Variants in WWOX observed in about 807,000 individuals in gnomAD.
WWOX encodes the protein WW domain-containing oxidoreductase.
A neutral mutation model predicts 46.2 loss-of-function variants in WWOX; 69 were observed. The ratio of observed to expected loss-of-function variants is 1.49; its 90% CI spans 1.23 to 1.82. WWOX has a LOEUF of 1.82. WWOX is among the 40% of genes most tolerant of loss of function. The probability of loss-of-function intolerance (pLI) is 0.00; values close to 1 mark genes in which losing one functional copy is unlikely to be tolerated. For missense variants in WWOX, 919 were observed against 542.6 expected, an observed-to-expected ratio of 1.69 and a Z score of -6.89; for synonymous variants, 359 against 202.6, an observed-to-expected ratio of 1.77 and a Z score of -6.56.
intron 8 of WWOX, among the ~76,000 whole-genome samples, chr16:78,700,856 C>G (rs1352111674): frequency 1.3e-5 from 2 of 152,104 alleles, no homozygotes; most frequent in Admixed American, 6.5e-5. Flanking sequence ...AGCACAACAC[C>G]CAGAGGATTG....
At chr16:78,806,739 A>G (rs936307887) in intron 8 of WWOX, among the ~76,000 whole-genome samples, 6 of 152,068 alleles carry the variant, frequency 3.9e-5, no homozygotes, top group African/African-American at 1.4e-4. Flanking sequence ...TCTATTTTTT[A>G]GGCTGTCAGA....
intron 4 of WWOX, among the ~76,000 whole-genome samples, chr16:78,140,081 G>A (rs1056590427): frequency 6.6e-6 from 1 of 152,172 alleles, no homozygotes; most frequent in Non-Finnish European, 1.5e-5. Context: ...ATGGAAATGG[G>A]GGGATCCATA....
At chr16:78,878,771 C>G (rs975692870) in intron 8 of WWOX, among the ~76,000 whole-genome samples, 2 of 151,856 alleles carry the variant, frequency 1.3e-5, no homozygotes, top group Non-Finnish European at 2.9e-5. Flanking sequence ...TGAAATTTAC[C>G]AGGCCAGGCT....
intron 8 of WWOX, among the ~76,000 whole-genome samples, chr16:78,443,456 A>G (rs2083490364): frequency 1.3e-5 from 2 of 152,178 alleles, no homozygotes; most frequent in South Asian, 4.1e-4. Context: ...AACACACCTT[A>G]GCTTGGAGGA....
intron 5 of WWOX, among the ~76,000 whole-genome samples, chr16:78,232,681 G>C (rs1280338947): frequency 1.3e-5 from 2 of 152,188 alleles, no homozygotes; most frequent in African/African-American, 4.8e-5. Context: ...TTTTAAACTT[G>C]AATTTAGTTT....
intron 4 of WWOX, among the ~76,000 whole-genome samples, chr16:78,151,666 C>T (rs1469115): frequency 0.62 from 94,947 of 151,938 alleles, 29,740 homozygotes; most frequent in East Asian, 0.75. Context: ...TCATAAAGGC[C>T]CATGAATTAT....
intron 8 of WWOX, among the ~76,000 whole-genome samples, chr16:78,869,158 C>T (rs998836704): frequency 2.6e-5 from 4 of 152,038 alleles, no homozygotes; most frequent in African/African-American, 9.7e-5. Flanking sequence ...ATTGTATATA[C>T]GTTTTAGTCA....
chr16:79,138,753 A>G (rs1447178042), intron 8 of WWOX, among the ~76,000 whole-genome samples: 2 of 152,218 alleles, frequency 1.3e-5, no homozygotes, highest in African/African-American at 4.8e-5. Context: ...GTGAGTCTCC[A>G]GAGGGTGAGA....
At chr16:78,113,539 G>T (rs895503506) in intron 3 of WWOX, among the ~76,000 whole-genome samples, 1 of 152,146 alleles carries the variant, frequency 6.6e-6, no homozygotes, top group African/African-American at 2.4e-5. Flanking sequence ...AAGGGCTTTG[G>T]GGGGAACCTG....
At chr16:78,238,678 G>T (rs1305387013) in intron 5 of WWOX, among the ~76,000 whole-genome samples, 2 of 151,912 alleles carry the variant, frequency 1.3e-5, no homozygotes, top group African/African-American at 2.4e-5. Flanking sequence ...GGAGTGCAGT[G>T]GTGTGATCTT....
At chr16:78,480,486 A>G (rs2084459815) in intron 8 of WWOX, among the ~76,000 whole-genome samples, 1 of 152,274 alleles carries the variant, frequency 6.6e-6, no homozygotes, top group South Asian at 2.1e-4. Flanking sequence ...ATATTCTTTG[A>G]AATAGGACTA....
At chr16:78,733,163 G>A (rs1326161398) in intron 8 of WWOX, among the ~76,000 whole-genome samples, 1 of 152,166 alleles carries the variant, frequency 6.6e-6, no homozygotes, top group Non-Finnish European at 1.5e-5. Flanking sequence ...TTTATGCACA[G>A]CTATTTATAA....
chr16:78,691,119 T>G, intron 8 of WWOX: 4 of 635,260 alleles, frequency 6.3e-6, no homozygotes, highest in East Asian at 2.8e-5. Flanking sequence ...TACCAGTCGT[T>G]ATTGCTTTAG....
At chr16:78,269,933 A>G (rs1345703208) in intron 5 of WWOX, among the ~76,000 whole-genome samples, 1 of 64,860 alleles carries the variant, frequency 1.5e-5, no homozygotes, top group African/African-American at 6.9e-5. Context: ...TTTTTTTTTT[A>G]CTTTCACCAG....
intron 8 of WWOX, among the ~76,000 whole-genome samples, chr16:78,953,163 G>C (rs776753701): frequency 6.6e-6 from 1 of 152,062 alleles, no homozygotes; most frequent in African/African-American, 2.4e-5. Flanking sequence ...CCCCTGGGAA[G>C]TTCAGCCGTG....
intron 8 of WWOX, among the ~76,000 whole-genome samples, chr16:78,553,904 C>G (rs892412187): frequency 2.0e-5 from 3 of 152,042 alleles, no homozygotes. Flanking sequence ...AGAGAGCAAA[C>G]TCCCACAGCT....
At chr16:78,893,330 G>A (rs762591467) in intron 8 of WWOX, among the ~76,000 whole-genome samples, 2 of 152,068 alleles carry the variant, frequency 1.3e-5, no homozygotes, top group African/African-American at 2.4e-5. Flanking sequence ...CAGTCCTTTC[G>A]CCTGTCCCCT....
At chr16:79,030,972 G>A (rs1332666099) in intron 8 of WWOX, among the ~76,000 whole-genome samples, 1 of 151,662 alleles carries the variant, frequency 6.6e-6, no homozygotes, top group Non-Finnish European at 1.5e-5. Context: ...CATGCCTGTA[G>A]TCCCACCCAC....
intron 8 of WWOX, among the ~76,000 whole-genome samples, chr16:78,786,705 T>C (rs2050466137): frequency 6.6e-6 from 1 of 152,226 alleles, no homozygotes. Flanking sequence ...TAGTTGGCAG[T>C]TTGTCATATC....
Sources: gnomAD v4.1 joint callset for allele counts (sites outside exome capture counted in the v4.1 genomes callset) on GRCh38, gnomAD v4.1.1 for gene constraint, MANE v1.5 for transcripts, NCBI Gene and HGNC (gene_info 2026-07-23, HGNC 2026-07-21) for gene names.